Variants in MPRIP observed in about 807,000 individuals in gnomAD.
MPRIP encodes the protein myosin phosphatase Rho-interacting protein.
Under a neutral mutation model 234.9 loss-of-function variants are expected in MPRIP, and 59 were observed. That is an observed-to-expected ratio of 0.25 (90% CI 0.20 to 0.31). The LOEUF is 0.31. MPRIP is among the 10% of genes least tolerant of loss of function. The pLI, the probability that MPRIP is intolerant of heterozygous loss-of-function variation, is 1.00. For synonymous variants in MPRIP, 1,144 were observed against 1,263.9 expected (o/e 0.91, Z 2.01); for missense variants, 2,436 against 3,071.0 (o/e 0.79, Z 4.89).
Position 17,174,187 on chromosome 17 carries a change from G to A in MPRIP, c.6750+112G>A, listed in dbSNP as rs970266496. 9.2e-6 allele frequency: 12 copies of A among 1,310,040 alleles called. No individual in the cohort carries two copies. In the African/African-American group the frequency reaches 1.0e-4, roughly 11 times the overall value. 81.2% of individuals were successfully genotyped at this position (1,310,040 alleles called of 1,614,324 possible). A position where few individuals can be genotyped will look rare whatever the true frequency, so the allele number is the denominator to read the frequency against. On this transcript the variant is annotated intron_variant, in intron 19 of 23. Transcript: ENST00000651222. ...TGGAGCCAGGCCTCACCCTCAAAGT[G>A]GCATGAAGGTCCCTGAACCACAGAG...
intron 10 of MPRIP, 85 bp downstream of exon 10, chr17:17,146,177 G>T (rs564929293): frequency 5.1e-5 from 64 of 1,253,206 alleles, no homozygotes; most frequent in Non-Finnish European, 7.1e-5. Flanking sequence ...CAGTCTGCAA[G>T]TGCTGGCTCC....
At chr17:17,052,306 G>A (rs1324732682) in intron 1 of MPRIP, among the ~76,000 whole-genome samples, 1 of 152,168 alleles carries the variant, frequency 6.6e-6, no homozygotes, top group African/African-American at 2.4e-5. Context: ...CGGGGCAGAT[G>A]GGTAGTAGGG....
chr17:17,073,545 G>A (rs2089252072), intron 1 of MPRIP, among the ~76,000 whole-genome samples: 1 of 152,208 alleles, frequency 6.6e-6, no homozygotes, highest in Non-Finnish European at 1.5e-5. Flanking sequence ...TAGTCAAGAT[G>A]GAGATAGAGG....
At chr17:17,125,822 G>C (rs1341820281) in intron 3 of MPRIP, among the ~76,000 whole-genome samples, 2 of 152,218 alleles carry the variant, frequency 1.3e-5, no homozygotes, top group East Asian at 1.9e-4. Context: ...ATGGTGGGCT[G>C]TTGGGGGTGC....
intron 1 of MPRIP, among the ~76,000 whole-genome samples, chr17:17,059,418 C>T (rs763900145): frequency 2.6e-5 from 4 of 152,224 alleles, no homozygotes; most frequent in East Asian, 1.9e-4. Flanking sequence ...GACCACTGGT[C>T]GAGCTTAAGT....
Position 17,165,977 on chromosome 17 carries a change from T to TG in MPRIP, c.4388dup (p.Glu1464ArgfsTer10). 7.7e-7 allele frequency: 1 copy of TG among 1,304,272 alleles called. No individual in the cohort carries two copies. Among genetic ancestry groups the TG allele is most frequent in the Non-Finnish European group, 1.0e-6 (1 of 988,934 alleles). The allele number at this position is 1,304,272 out of a possible 1,614,324, so 80.8% of individuals were successfully genotyped here. The stretch of plus-strand genomic sequence containing the variant: ...GGGCCAGGAGGGTTGAAGGGCATGT[T>TG]GGAGAGCTTGGGGACTTCCAGGTCA... On this transcript the variant is annotated frameshift_variant, in exon 16 of 24. Coordinates refer to ENST00000651222, the MANE Select transcript of MPRIP (RefSeq NM_001364716.4). LOFTEE classifies it high-confidence loss of function.
At position 17,146,062 on chromosome 17, in the gene MPRIP, C is replaced by T. The variant is rs779458097; in HGVS notation, c.1530C>T (p.Gly510=). 2.2e-5 allele frequency: 36 copies of T among 1,614,132 alleles called. No individual in the cohort carries two copies. The South Asian group carries it at 2.3e-4, about 10-fold the overall frequency. ...VTPDLLNFKK[G]WLTKQYEDGQ... ...CCGACCTGCTGAATTTCAAGAAAGG[C>T]TGGCTGACTAAGCAGTATGAGGACG... The change falls in exon 10 of 24, where the codon GGC becomes GGT. Residue 510 remains glycine, a synonymous_variant. Coordinates refer to ENST00000651222, the MANE Select transcript of MPRIP (RefSeq NM_001364716.4).
chr17:17,149,052 T>TA (rs2144545018), intron 11 of MPRIP, among the ~76,000 whole-genome samples: 1 of 152,346 alleles, frequency 6.6e-6, no homozygotes, highest in East Asian at 1.9e-4. Context: ...GACCAGTACC[T>TA]AATGTTACAA....
intron 16 of MPRIP, chr17:17,171,483 A>T: frequency 2.0e-6 from 1 of 510,900 alleles, no homozygotes. Flanking sequence ...CAGTCACAGA[A>T]ATAAGAGGTA....
Position 17,165,521 on chromosome 17 carries a change from C to T in MPRIP, c.3930C>T (p.Leu1310=), listed in dbSNP as rs533380780. The T allele has an allele frequency of 7.7e-6, 10 of 1,304,448 alleles. No individual in the cohort carries two copies. The highest frequency in any genetic ancestry group is 5.5e-5 in the East Asian group (1 of 18,026). 80.8% of individuals were successfully genotyped at this position (1,304,448 alleles called of 1,614,324 possible). A position where few individuals can be genotyped will look rare whatever the true frequency, so the allele number is the denominator to read the frequency against. The change falls in exon 16 of 24, where the codon CTC becomes CTT. Residue 1310 remains leucine, a synonymous_variant. Coordinates refer to ENST00000651222, the MANE Select transcript of MPRIP (RefSeq NM_001364716.4). ...GCCATCAGCAGGGCACAGCCAAACT[C>T]GACCAAGGGGCACCTGGTGTTAAAA... is the stretch of plus-strand genomic sequence containing the variant. ...REGHQQGTAK[L]DQGAPGVKRQ... is the part of the protein sequence containing the mutation.
chr17:17,055,844 G>A (rs1567684236), intron 1 of MPRIP, among the ~76,000 whole-genome samples: 1 of 152,226 alleles, frequency 6.6e-6, no homozygotes, highest in Non-Finnish European at 1.5e-5. Context: ...TTGTGGCGCT[G>A]TTGGTGGTAT....
chr17:17,174,083 T>TGCAGCCAGGTGAGCCC lies in MPRIP; in HGVS notation c.6750+9_6750+24dup. On this transcript the variant is annotated intron_variant, in intron 19 of 23. Coordinates refer to ENST00000651222, the MANE Select transcript of MPRIP (RefSeq NM_001364716.4). Reference sequence around the variant, plus strand: ...CTCAATGCCCACAACCAGGTGAGCCTGCAGCCAGGTGAGCCCAAGGTTAGT... The same window carrying TGCAGCCAGGTGAGCCC: ...CTCAATGCCCACAACCAGGTGAGCCTGCAGCCAGGTGAGCCCGCAGCCAGGTGAGCCCAAGGTTAGT... 2 of 1,612,434 alleles carry TGCAGCCAGGTGAGCCC rather than the reference T, an allele frequency of 1.2e-6. No homozygotes were observed. Among genetic ancestry groups the TGCAGCCAGGTGAGCCC allele is most frequent in the South Asian group, 2.2e-5 (2 of 90,988 alleles).
rs146141655 is a variant in MPRIP at position 17,048,389 on chromosome 17, C to T, written c.123+5418C>T. 2.0e-3 allele frequency among the ~76,000 whole-genome samples: 309 copies of T among 152,272 alleles called. 2 individuals are homozygous for T. Among genetic ancestry groups the T allele is most frequent in the Admixed American group, 4.6e-3 (71 of 15,284 alleles). Reference sequence around the variant, plus strand: ...CATTTCATCAGGTTTCCCTTTGTTCCTGTAGACATTCGTAGAAGTTCTAAG... The same window carrying T: ...CATTTCATCAGGTTTCCCTTTGTTCTTGTAGACATTCGTAGAAGTTCTAAG... On this transcript the variant is annotated intron_variant, in intron 1 of 23. Transcript: ENST00000651222.
intron 11 of MPRIP, chr17:17,149,896 C>T (rs2045562023): frequency 2.9e-6 from 1 of 343,424 alleles, no homozygotes; most frequent in East Asian, 5.5e-5. Flanking sequence ...GAAGGGATTT[C>T]AACAGCAGCA....
At position 17,051,326 on chromosome 17, in the gene MPRIP, A is replaced by C. The variant is rs138226786; in HGVS notation, c.123+8355A>C. Among the ~76,000 whole-genome samples, 380 of 152,308 alleles carry C rather than the reference A, an allele frequency of 2.5e-3. 5 individuals carry two copies. In the South Asian group the frequency reaches 0.031, roughly 13 times the overall value. On this transcript the variant is annotated intron_variant, in intron 1 of 23. Coordinates refer to ENST00000651222, the MANE Select transcript of MPRIP (RefSeq NM_001364716.4). ...GAGGCACAGGGGAAGACATCCTACT[A>C]CTGGACATGGAGGATCATTGGGTGC...
chr17:17,154,226 G>A (rs2045675715), intron 12 of MPRIP, 80 bp from the exon 13 acceptor site: 1 of 1,223,450 alleles, frequency 8.2e-7, no homozygotes. Context: ...TTTACCCAGT[G>A]CAGGGAGCTT....
chr17:17,141,256 A>C (rs115421573), intron 7 of MPRIP, among the ~76,000 whole-genome samples: 3,448 of 152,206 alleles, frequency 0.023, 102 homozygotes, highest in Middle Eastern at 0.085. Flanking sequence ...CCAAGATCCC[A>C]CCACAATCGC....
At chr17:17,106,753 C>T (rs1046447615) in intron 3 of MPRIP, among the ~76,000 whole-genome samples, 3 of 152,224 alleles carry the variant, frequency 2.0e-5, no homozygotes, top group South Asian at 2.1e-4. Flanking sequence ...GCCATCATAA[C>T]TGACCAACTA....
At chr17:17,161,949 G>A (rs2045880513) in intron 15 of MPRIP, among the ~76,000 whole-genome samples, 1 of 152,266 alleles carries the variant, frequency 6.6e-6, no homozygotes, top group South Asian at 2.1e-4. Context: ...CACAAGGCTG[G>A]AGCTAGCCTG....
Sources: allele counts gnomAD v4.1 joint callset (sites outside exome capture counted in the v4.1 genomes callset), GRCh38; gene constraint gnomAD v4.1.1; transcripts MANE v1.5; gene names NCBI Gene and HGNC (gene_info 2026-07-23, HGNC 2026-07-21).